PCDH7: variants seen among roughly 807,000 people sequenced by gnomAD.
The protein encoded by PCDH7 is protocadherin-7.
In PCDH7, 17 loss-of-function variants were observed where a neutral mutation model predicts 58.9. The observed-to-expected ratio is 0.29, with a 90% confidence interval of 0.20 to 0.43. PCDH7 has a LOEUF of 0.43. Among genes scored for constraint, PCDH7 ranks in the 20% least tolerant of loss-of-function variants. PCDH7 has a pLI of 1.00. For synonymous variants in PCDH7, 664 were observed against 616.4 expected, an observed-to-expected ratio of 1.08 and a Z score of -1.14; for missense variants, 1,274 against 1,441.0, an observed-to-expected ratio of 0.88 and a Z score of 1.88.
chr4:31,131,333 T>C (rs998405380), intron 3 of PCDH7, among the ~76,000 whole-genome samples: 2 of 152,186 alleles, frequency 1.3e-5, no homozygotes, highest in Admixed American at 6.6e-5. Context: ...CTCCCCTTTT[T>C]ATCTGATCAT....
chr4:30,794,191 C>T (rs917666978), intron 1 of PCDH7, among the ~76,000 whole-genome samples: 1 of 152,136 alleles, frequency 6.6e-6, no homozygotes, highest in Non-Finnish European at 1.5e-5. Flanking sequence ...ATGGCCACAA[C>T]GGTTGTGAAT....
At chr4:30,936,510 G>A (rs919387846) in intron 2 of PCDH7, among the ~76,000 whole-genome samples, 9 of 152,032 alleles carry the variant, frequency 5.9e-5, no homozygotes, top group African/African-American at 9.7e-5. Flanking sequence ...GATTTATTGC[G>A]TAGTTTTAAG....
At chr4:31,142,858 G>A in exon 4 of PCDH7, 1 of 1,353,596 alleles carries the variant, frequency 7.4e-7, no homozygotes, top group Non-Finnish European at 9.8e-7. Context: ...AGGCTATAAA[G>A]GAGCAACAGC....
intron 2 of PCDH7, among the ~76,000 whole-genome samples, chr4:30,932,838 A>G (rs77897043): frequency 0.027 from 4,052 of 152,222 alleles, 177 homozygotes; most frequent in African/African-American, 0.09. Flanking sequence ...ACAAGATCCT[A>G]ATGTCAAACT....
intron 3 of PCDH7, among the ~76,000 whole-genome samples, chr4:30,975,946 C>G (rs1034216022): frequency 1.3e-5 from 2 of 152,098 alleles, no homozygotes; most frequent in Non-Finnish European, 2.9e-5. Flanking sequence ...TCCTTGCCTG[C>G]TCAGGTGAAC....
chr4:30,768,042 C>T (rs1275882724), intron 1 of PCDH7, among the ~76,000 whole-genome samples: 1 of 152,010 alleles, frequency 6.6e-6, no homozygotes, highest in African/African-American at 2.4e-5. Context: ...AGTCATTTTA[C>T]CTTAAAAATG....
At chr4:31,013,371 G>A (rs1753343257) in intron 3 of PCDH7, among the ~76,000 whole-genome samples, 1 of 150,176 alleles carries the variant, frequency 6.7e-6, no homozygotes, top group Admixed American at 6.6e-5. Flanking sequence ...TATTTTCACA[G>A]AGAAAGAGTA....
intron 3 of PCDH7, among the ~76,000 whole-genome samples, chr4:31,004,803 C>T (rs1752636084): frequency 6.6e-6 from 1 of 151,972 alleles, no homozygotes; most frequent in Non-Finnish European, 1.5e-5. Context: ...AATATTATTT[C>T]CTTTTTAAAG....
chr4:30,867,474 C>G (rs1391339549), intron 1 of PCDH7, among the ~76,000 whole-genome samples: 1 of 152,122 alleles, frequency 6.6e-6, no homozygotes, highest in Non-Finnish European at 1.5e-5. Context: ...ATGAAAGCCT[C>G]TTTTAAGATG....
At chr4:31,143,454 A>C (rs1578913325), downstream of PCDH7, 1 of 152,346 alleles carries the variant, frequency 6.6e-6, no homozygotes, top group East Asian at 1.9e-4. Flanking sequence ...ATTCCAACAA[A>C]GACTAAGAGA....
intron 1 of PCDH7, among the ~76,000 whole-genome samples, chr4:30,768,275 G>A (rs2109275936): frequency 2.2e-5 from 1 of 45,512 alleles, no homozygotes; most frequent in Non-Finnish European, 3.9e-5. Context: ...AAGCATATTG[G>A]CTAATCCAAG....
At chr4:30,783,457 C>A (rs1329856592) in intron 1 of PCDH7, among the ~76,000 whole-genome samples, 4 of 152,120 alleles carry the variant, frequency 2.6e-5, no homozygotes, top group African/African-American at 4.8e-5. Flanking sequence ...TTACGTATTG[C>A]CAATTATATG....
chr4:31,115,859 T>G (rs926772934), intron 3 of PCDH7, among the ~76,000 whole-genome samples: 2 of 152,178 alleles, frequency 1.3e-5, no homozygotes, highest in African/African-American at 4.8e-5. Context: ...TGAATTCACA[T>G]TTATTCTTTT....
chr4:31,043,528 G>T (rs1185663192), intron 3 of PCDH7, among the ~76,000 whole-genome samples: 2 of 152,122 alleles, frequency 1.3e-5, no homozygotes, highest in Non-Finnish European at 2.9e-5. Context: ...ATTCTCTAAA[G>T]ATTAGTGATG....
chr4:30,780,808 G>C (rs963388175), intron 1 of PCDH7, among the ~76,000 whole-genome samples: 3 of 152,058 alleles, frequency 2.0e-5, no homozygotes, highest in Non-Finnish European at 4.4e-5. Context: ...TTTTATGTAG[G>C]CTTCAGCTAA....
At chr4:31,048,114 C>T (rs1305769688) in intron 3 of PCDH7, among the ~76,000 whole-genome samples, 1 of 151,840 alleles carries the variant, frequency 6.6e-6, no homozygotes, top group African/African-American at 2.4e-5. Context: ...ATAATTGTAT[C>T]TCTACTATCT....
At chr4:30,866,077 T>G (rs1734846406) in intron 1 of PCDH7, among the ~76,000 whole-genome samples, 1 of 152,112 alleles carries the variant, frequency 6.6e-6, no homozygotes, top group South Asian at 2.1e-4. Context: ...TCCTGTCTTT[T>G]TAAAGCTCTC....
intron 3 of PCDH7, among the ~76,000 whole-genome samples, chr4:31,003,500 G>T (rs893282690): frequency 6.6e-6 from 1 of 151,740 alleles, no homozygotes; most frequent in Non-Finnish European, 1.5e-5. Flanking sequence ...TTTTGTTTTG[G>T]ATTTTGGAAT....
intron 1 of PCDH7, among the ~76,000 whole-genome samples, chr4:30,896,435 A>G (rs1390432083): frequency 6.6e-6 from 1 of 152,184 alleles, no homozygotes. Context: ...CTAATCCACC[A>G]TGAATGATAA....
Sources: gnomAD v4.1 joint callset for allele counts (sites outside exome capture counted in the v4.1 genomes callset) on GRCh38, gnomAD v4.1.1 for gene constraint, MANE v1.5 for transcripts, NCBI Gene and HGNC (gene_info 2026-07-23, HGNC 2026-07-21) for gene names.